VEZT: variants seen among roughly 807,000 people sequenced by gnomAD.
VEZT encodes the protein vezatin.
A neutral mutation model predicts 79.9 loss-of-function variants in VEZT; 39 were observed. That is an observed-to-expected ratio of 0.49 (90% CI 0.38 to 0.64). The LOEUF (loss-of-function observed/expected upper bound fraction) is 0.64, where lower values mean the gene tolerates loss of function less well. Ranked by LOEUF, VEZT falls within the 30% of genes least tolerant of loss-of-function variation. The pLI is 0.00. For missense variants in VEZT, 837 were observed against 893.1 expected, an observed-to-expected ratio of 0.94 and a Z score of 0.80; for synonymous variants, 325 against 327.6, an observed-to-expected ratio of 0.99 and a Z score of 0.09.
intron 5 of VEZT, 136 bp downstream of exon 5, chr12:95,266,768 CA>C: frequency 1.4e-6 from 1 of 726,060 alleles, no homozygotes; most frequent in East Asian, 2.8e-5. Flanking sequence ...TTACTAAAGT[CA>C]ATTAACTGCT....
chr12:95,234,004 T>G (rs910251495), intron 1 of VEZT, among the ~76,000 whole-genome samples: 5 of 152,212 alleles, frequency 3.3e-5, no homozygotes, highest in Non-Finnish European at 7.3e-5. Context: ...GTATGATGTA[T>G]CTGTATTCCA....
intron 1 of VEZT, among the ~76,000 whole-genome samples, chr12:95,250,278 TA>T (rs2062357979): frequency 7.1e-6 from 1 of 140,532 alleles, no homozygotes; most frequent in Non-Finnish European, 1.5e-5. Context: ...AATCAAGATT[TA>T]TTATTTTTTT....
In VEZT at chr12:95,265,934, GC is replaced by G. The variant is rs2065447548; in HGVS notation, c.435-422del. On this transcript the variant is annotated intron_variant, in intron 4 of 11. Coordinates refer to ENST00000436874, the MANE Select transcript of VEZT (RefSeq NM_017599.4). The stretch of plus-strand genomic sequence containing the variant: ...ACTTCTGAAGGATTTTGTAGACTGA[GC>G]TAATGAAGTTTGATTTTATCCTGCA... Among the ~76,000 whole-genome samples, 3 of 152,296 alleles carry G rather than the reference GC, an allele frequency of 2.0e-5. No homozygotes were observed. In the South Asian group the frequency reaches 6.2e-4, roughly 32 times the overall value.
In VEZT at chr12:95,300,275, AG is replaced by A. The variant is rs762430220; in HGVS notation, c.1943del (p.Ser648IlefsTer11). 1 of 1,598,030 alleles carries A rather than the reference AG, an allele frequency of 6.3e-7. No homozygotes were observed. Among genetic ancestry groups the A allele is most frequent in the African/African-American group, 1.3e-5 (1 of 74,752 alleles). The stretch of plus-strand genomic sequence containing the variant: ...CAGTAAAAATGATACTGAAGAGGAA[AG>A]TAATAAATCCGCCACAACAGACAAT... ...KVSKNDTEEE[S>X]NKSATTDNEI... On this transcript the variant is annotated frameshift_variant, in exon 12 of 12. Coordinates refer to ENST00000436874, the MANE Select transcript of VEZT (RefSeq NM_017599.4). LOFTEE classifies it low-confidence loss of function (END_TRUNC).
intron 4 of VEZT, 144 bp downstream of exon 4, chr12:95,263,225 A>G (rs2064871839): frequency 2.4e-6 from 2 of 824,072 alleles, no homozygotes; most frequent in South Asian, 3.7e-5. Context: ...GGGGGGAAAA[A>G]GTGCCTTTCT....
At chr12:95,233,167 T>G (rs1229459902) in intron 1 of VEZT, among the ~76,000 whole-genome samples, 2 of 152,062 alleles carry the variant, frequency 1.3e-5, no homozygotes, top group Admixed American at 6.6e-5. Context: ...TAAATTCTCA[T>G]GTAATTAGGT....
chr12:95,223,490 G>A (rs892540593), intron 1 of VEZT, among the ~76,000 whole-genome samples: 8 of 152,120 alleles, frequency 5.3e-5, no homozygotes, highest in Admixed American at 3.3e-4. Context: ...TAGCCTTGTC[G>A]CCCAGGCTGG....
intron 8 of VEZT, among the ~76,000 whole-genome samples, chr12:95,285,815 G>A (rs1441097453): frequency 6.6e-6 from 1 of 151,822 alleles, no homozygotes; most frequent in African/African-American, 2.4e-5. Context: ...CAGAAAGCTT[G>A]TATTTATTTA....
intron 1 of VEZT, among the ~76,000 whole-genome samples, chr12:95,237,384 TG>T (rs1186276655): frequency 1.3e-5 from 2 of 152,128 alleles, no homozygotes; most frequent in Non-Finnish European, 2.9e-5. Flanking sequence ...CTGTTGTTTG[TG>T]GGGAGATGGG....
rs71078693 is a variant in VEZT, at chr12:95,264,869, C to CTTTTTTTTTTTTTTT, written c.435-1481_435-1467dup. On this transcript the variant is annotated intron_variant, in intron 4 of 11. Transcript: ENST00000436874. ...TATACTCCCCTCTTTCTTTTCTTTTCTTTTTTTTTTTTTTTTTTTTTGAGA... is the reference window on the plus strand; with the variant it reads ...TATACTCCCCTCTTTCTTTTCTTTTCTTTTTTTTTTTTTTTTTTTTTTTTTTTTTTTTTTTTGAGA... Among the ~76,000 whole-genome samples the CTTTTTTTTTTTTTTT allele has an allele frequency of 1.5e-4, 17 of 113,360 alleles. 1 individual carries two copies. Among genetic ancestry groups the CTTTTTTTTTTTTTTT allele is most frequent in the Non-Finnish European group, 2.7e-4 (15 of 56,132 alleles). 74.4% of individuals were successfully genotyped at this position (113,360 alleles called of 152,430 possible). A position where few individuals can be genotyped will look rare whatever the true frequency, so the allele number is the denominator to read the frequency against.
At chr12:95,226,338 C>T (rs2058484575) in intron 1 of VEZT, among the ~76,000 whole-genome samples, 1 of 151,330 alleles carries the variant, frequency 6.6e-6, no homozygotes. Context: ...ACAAGCCAAG[C>T]CAATTTACCA....
At chr12:95,249,063 A>T (rs938626542) in intron 1 of VEZT, among the ~76,000 whole-genome samples, 3 of 152,184 alleles carry the variant, frequency 2.0e-5, no homozygotes, top group Non-Finnish European at 4.4e-5. Flanking sequence ...ATTGGGACAT[A>T]GCCATACTCA....
chr12:95,220,937 A>G (rs1455272910), intron 1 of VEZT, among the ~76,000 whole-genome samples: 1 of 152,162 alleles, frequency 6.6e-6, no homozygotes, highest in Non-Finnish European at 1.5e-5. Context: ...TGGTTGTACC[A>G]GTTTATTCTC....
At chr12:95,242,333 A>AAAAAAT (rs2061134676) in intron 1 of VEZT, 1 of 152,218 alleles carries the variant, frequency 6.6e-6, no homozygotes, top group East Asian at 1.9e-4. Context: ...CCATCTCTAA[A>AAAAAAT]AAAAATAAAA....
rs2056938022 is a variant in VEZT, at chr12:95,217,976, G to A, written c.36+90G>A. ...GAAGCAAGGCGTTCCCGGGGCGAGG[G>A]ATCGGGTGACGCGCTCCAGCTGGCC... is the stretch of plus-strand genomic sequence containing the variant. On this transcript the variant is annotated intron_variant, in intron 1 of 11. Transcript: ENST00000436874. 21 of 1,352,348 alleles carry A rather than the reference G, an allele frequency of 1.6e-5. No homozygotes were observed. In the South Asian group the frequency reaches 3.5e-4, roughly 23 times the overall value. The allele number at this position is 1,352,348 out of a possible 1,614,324, so 83.8% of individuals were successfully genotyped here.
intron 1 of VEZT, among the ~76,000 whole-genome samples, chr12:95,247,247 ATTC>A (rs1474109028): frequency 1.2e-4 from 18 of 152,346 alleles, no homozygotes; most frequent in Non-Finnish European, 1.5e-4. Flanking sequence ...CGGTACGGCT[ATTC>A]TTCTTTGATA....
chr12:95,293,520 G>C (rs1183754363), intron 9 of VEZT, among the ~76,000 whole-genome samples: 2 of 151,988 alleles, frequency 1.3e-5, no homozygotes, highest in African/African-American at 4.8e-5. Flanking sequence ...AACTCACTTG[G>C]GTGATCTTTA....
At chr12:95,276,259 C>CTTTTTTTTTTTTTTTTTTTTTTT (rs35034660) in intron 7 of VEZT, among the ~76,000 whole-genome samples, 1 of 75,156 alleles carries the variant, frequency 1.3e-5, no homozygotes, top group Non-Finnish European at 2.4e-5. Context: ...TAATTTTTTT[C>CTTTTTTTTTTTTTTTTTTTTTTT]TTTTTTTTTT....
At chr12:95,270,501 C>G (rs1345745158) in intron 6 of VEZT, among the ~76,000 whole-genome samples, 2 of 152,182 alleles carry the variant, frequency 1.3e-5, no homozygotes, top group South Asian at 4.1e-4. Flanking sequence ...AAACAAATTT[C>G]TCAACATGGC....
Sources: gnomAD v4.1 joint callset for allele counts (sites outside exome capture counted in the v4.1 genomes callset) on GRCh38, gnomAD v4.1.1 for gene constraint, MANE v1.5 for transcripts, NCBI Gene and HGNC (gene_info 2026-07-23, HGNC 2026-07-21) for gene names.